Variants in RBFOX1 observed in about 807,000 individuals in gnomAD.
The protein encoded by RBFOX1 is RNA binding fox-1 homolog 1.
RBFOX1 carries 8 observed loss-of-function variants against 57.7 expected under a neutral mutation model. The observed-to-expected ratio is 0.14, with a 90% CI of 0.08 to 0.25. The LOEUF (loss-of-function observed/expected upper bound fraction) is 0.25. RBFOX1 is among the 10% of genes least tolerant of loss of function. The pLI is 1.00. For missense variants in RBFOX1, 611 were observed against 548.5 expected, an observed-to-expected ratio of 1.11 and a Z score of -1.14; for synonymous variants, 326 against 222.4, an observed-to-expected ratio of 1.47 and a Z score of -4.15.
chr16:6,127,331 C>G (rs747823532), intron 1 of RBFOX1, among the ~76,000 whole-genome samples: 11 of 151,718 alleles, frequency 7.3e-5, no homozygotes, highest in Non-Finnish European at 1.3e-4. Context: ...TCCTGTTTCA[C>G]CTTATTCAAG....
chr16:5,501,227 A>G (rs1203054082), intron 2 of RBFOX1, among the ~76,000 whole-genome samples: 2 of 146,610 alleles, frequency 1.4e-5, no homozygotes, highest in Non-Finnish European at 3.0e-5. Flanking sequence ...CCGAGACAGG[A>G]GAATCGATTG....
chr16:5,659,940 T>G (rs367851422), intron 3 of RBFOX1, among the ~76,000 whole-genome samples: 1 of 152,324 alleles, frequency 6.6e-6, no homozygotes, highest in African/African-American at 2.4e-5. Flanking sequence ...TTTAATGCAT[T>G]AATACAGAAG....
chr16:6,808,540 A>G (rs2087542567), intron 3 of RBFOX1, among the ~76,000 whole-genome samples: 1 of 152,164 alleles, frequency 6.6e-6, no homozygotes, highest in South Asian at 2.1e-4. Flanking sequence ...ACAGGTTTGC[A>G]TACTCAACAA....
intron 2 of RBFOX1, among the ~76,000 whole-genome samples, chr16:6,488,370 A>T (rs1182559079): frequency 2.6e-5 from 4 of 152,110 alleles, no homozygotes; most frequent in African/African-American, 9.7e-5. Flanking sequence ...GAGGATGAGG[A>T]TGTGATAACC....
At position 6,859,152 on chromosome 16, in the gene RBFOX1, T is replaced by TATATATAC. The variant is rs1491258507; in HGVS notation, c.-15-192905_-15-192904insATATATAC. ...ATACATATATATACGTATATATATA[T>TATATATAC]GTATATATATACGTATATATATGTA... On this transcript the variant is annotated intron_variant, in intron 3 of 15. Coordinates refer to ENST00000550418, the MANE Select transcript of RBFOX1 (RefSeq NM_018723.4). Among the ~76,000 whole-genome samples, 217 of 77,050 alleles carry TATATATAC rather than the reference T, an allele frequency of 2.8e-3. 3 individuals carry two copies. The highest frequency in any genetic ancestry group is 8.3e-3 in the East Asian group (17 of 2,056). 50.5% of individuals were successfully genotyped at this position (77,050 alleles called of 152,430 possible).
At position 5,254,773 on chromosome 16, in the gene RBFOX1, C is replaced by G. The variant is rs531073230; in HGVS notation, c.219+14668C>G. ...GGCTGTGTGATGACAGGTGAAGATA[C>G]CCAGTGGGCAGGCAGTCATTAGGAT... On this transcript the variant is annotated intron_variant, in intron 1 of 2. Coordinates refer to the RBFOX1 transcript ENST00000585867. Among the ~76,000 whole-genome samples, 3 of 152,204 alleles carry G rather than the reference C, an allele frequency of 2.0e-5. No homozygotes were observed. The South Asian group carries it at 6.2e-4, about 32-fold the overall frequency.
chr16:5,894,375 T>A (rs1156728187), intron 4 of RBFOX1, among the ~76,000 whole-genome samples: 1 of 152,170 alleles, frequency 6.6e-6, no homozygotes, highest in Non-Finnish European at 1.5e-5. Flanking sequence ...CTCCACCTCC[T>A]GGGTTCCAGT....
chr16:7,592,651 C>G (rs1486717718), intron 7 of RBFOX1, among the ~76,000 whole-genome samples: 1 of 152,128 alleles, frequency 6.6e-6, no homozygotes, highest in Non-Finnish European at 1.5e-5. Context: ...TGTGGCATGG[C>G]TATGGTTGCT....
chr16:6,228,882 A>C (rs942430570), intron 1 of RBFOX1, among the ~76,000 whole-genome samples: 1 of 152,172 alleles, frequency 6.6e-6, no homozygotes, highest in African/African-American at 2.4e-5. Flanking sequence ...ACATGTTTGA[A>C]ATTTTCATGT....
At chr16:7,151,325 CTT>C (rs2076067852) in intron 4 of RBFOX1, among the ~76,000 whole-genome samples, 1 of 152,142 alleles carries the variant, frequency 6.6e-6, no homozygotes, top group Non-Finnish European at 1.5e-5. Flanking sequence ...CGTATTTAAA[CTT>C]TATATTTTTT....
chr16:5,450,329 A>G (rs1480166005), intron 1 of RBFOX1, among the ~76,000 whole-genome samples: 1 of 152,138 alleles, frequency 6.6e-6, no homozygotes, highest in Non-Finnish European at 1.5e-5. Context: ...GAGATTTATG[A>G]AGGGTTCCAG....
chr16:5,630,556 C>A (rs2048475114), intron 3 of RBFOX1, among the ~76,000 whole-genome samples: 1 of 152,192 alleles, frequency 6.6e-6, no homozygotes, highest in Non-Finnish European at 1.5e-5. Context: ...TGCCTGCAGG[C>A]CACGTCAGGA....
intron 2 of RBFOX1, among the ~76,000 whole-genome samples, chr16:6,318,542 A>G (rs1233940498): frequency 6.6e-6 from 1 of 152,188 alleles, no homozygotes; most frequent in African/African-American, 2.4e-5. Context: ...TTTTCAGATC[A>G]TACATGACCT....
At chr16:6,279,550 C>G (rs193230970) in intron 1 of RBFOX1, among the ~76,000 whole-genome samples, 2 of 152,098 alleles carry the variant, frequency 1.3e-5, no homozygotes, top group Non-Finnish European at 1.5e-5. Flanking sequence ...CCCTCTGATA[C>G]GCTTGTGTAA....
At chr16:5,438,494 C>T (rs1216550557) in intron 1 of RBFOX1, among the ~76,000 whole-genome samples, 4 of 152,154 alleles carry the variant, frequency 2.6e-5, no homozygotes, top group Non-Finnish European at 4.4e-5. Flanking sequence ...CCCAGCATTC[C>T]AACTGAGTTA....
intron 3 of RBFOX1, among the ~76,000 whole-genome samples, chr16:7,041,003 C>T (rs900321991): frequency 2.6e-5 from 4 of 151,804 alleles, no homozygotes; most frequent in Admixed American, 1.3e-4. Context: ...GCAACGTCCA[C>T]CTCCTGGGTT....
At chr16:7,272,401 G>C (rs2095341030) in intron 4 of RBFOX1, among the ~76,000 whole-genome samples, 1 of 152,032 alleles carries the variant, frequency 6.6e-6, no homozygotes, top group Non-Finnish European at 1.5e-5. Flanking sequence ...GCCAGGTTGG[G>C]CTTGAATTCC....
chr16:5,297,952 G>A (rs1567298255), intron 1 of RBFOX1, among the ~76,000 whole-genome samples: 1 of 152,096 alleles, frequency 6.6e-6, no homozygotes, highest in Non-Finnish European at 1.5e-5. Flanking sequence ...AACATAGAAA[G>A]CAAGGTGTAG....
chr16:6,869,043 T>A (rs2060422777), intron 3 of RBFOX1, among the ~76,000 whole-genome samples: 1 of 152,194 alleles, frequency 6.6e-6, no homozygotes, highest in East Asian at 1.9e-4. Flanking sequence ...ATTGAGCACA[T>A]GGTACGAATG....
Sources: gnomAD v4.1 joint callset for allele counts (sites outside exome capture counted in the v4.1 genomes callset) on GRCh38, gnomAD v4.1.1 for gene constraint, MANE v1.5 for transcripts, NCBI Gene and HGNC (gene_info 2026-07-23, HGNC 2026-07-21) for gene names.